THOC5: variants seen among roughly 807,000 people sequenced by gnomAD.
The protein encoded by THOC5 is Fms-interacting protein.
THOC5 carries 43 observed loss-of-function variants against 92.9 expected under a neutral mutation model. The ratio of observed to expected loss-of-function variants is 0.46; its 90% CI spans 0.36 to 0.60. The LOEUF is 0.60. Ranked by LOEUF, THOC5 falls within the 20% of genes least tolerant of loss-of-function variation. THOC5 has a pLI of 0.00. For missense variants in THOC5, 659 were observed against 849.4 expected (o/e 0.78, Z 2.79); for synonymous variants, 296 against 320.1 (o/e 0.92, Z 0.80).
intron 19 of THOC5, among the ~76,000 whole-genome samples, chr22:29,508,845 G>A (rs2063168751): frequency 2.6e-5 from 4 of 151,898 alleles, no homozygotes; most frequent in Admixed American, 2.6e-4. Context: ...GCCCAGGCTG[G>A]AGTGCAGTGG....
rs536352843 is a variant in THOC5, at chr22:29,536,848, T to C, written c.600-110A>G. On this transcript the variant is annotated intron_variant, in intron 6 of 19. Coordinates refer to ENST00000490103, the MANE Select transcript of THOC5 (RefSeq NM_003678.5). The stretch of plus-strand genomic sequence containing the variant: ...AGTAGCAGCCATGATTAACTGCCAA[T>C]GTTTATCCAGCACTCAATGTGTGCC... The C allele has an allele frequency of 7.1e-6, 5 of 702,178 alleles. No individual in the cohort carries two copies. The Admixed American group carries it at 1.0e-4, about 14-fold the overall frequency. The allele number at this position is 702,178 out of a possible 1,614,324, so 43.5% of individuals were successfully genotyped here. A position where few individuals can be genotyped will look rare whatever the true frequency, so the allele number is the denominator to read the frequency against.
At chr22:29,545,045 G>A in intron 2 of THOC5, 1 of 431,918 alleles carries the variant, frequency 2.3e-6, no homozygotes, top group Non-Finnish European at 4.6e-6. Flanking sequence ...ACAAAAAGAG[G>A]TTTAATTGGA....
At chr22:29,531,493 G>C in intron 8 of THOC5, 1 of 1,063,756 alleles carries the variant, frequency 9.4e-7, no homozygotes, top group Non-Finnish European at 1.1e-6. Context: ...CCCTGAAGCA[G>C]AGCAAGAGGC....
intron 19 of THOC5, 97 bp from the exon 20 acceptor site, chr22:29,508,617 G>T: frequency 1.9e-6 from 2 of 1,056,276 alleles, no homozygotes; most frequent in Non-Finnish European, 2.9e-6. Flanking sequence ...AAGAGGCAGA[G>T]TTACATGACA....
intron 5 of THOC5, among the ~76,000 whole-genome samples, chr22:29,540,370 C>G (rs1207659478): frequency 5.3e-5 from 8 of 152,194 alleles, no homozygotes; most frequent in African/African-American, 1.4e-4. Flanking sequence ...TATTAATAAG[C>G]ACCCACTATA....
At chr22:29,535,075 C>G (rs2063732121) in intron 7 of THOC5, 3 of 151,188 alleles carry the variant, frequency 2.0e-5, no homozygotes, top group African/African-American at 7.3e-5. Flanking sequence ...ACTAGCCTGG[C>G]CAACATGATG....
chr22:29,509,289 A>G (rs1324175078), intron 19 of THOC5, among the ~76,000 whole-genome samples: 2 of 149,308 alleles, frequency 1.3e-5, no homozygotes, highest in Admixed American at 6.6e-5. Context: ...AAAAAAAAAA[A>G]AAAGAAAAAA....
chr22:29,509,562 G>C (rs1334868309), intron 19 of THOC5, among the ~76,000 whole-genome samples: 1 of 152,230 alleles, frequency 6.6e-6, no homozygotes, highest in Non-Finnish European at 1.5e-5. Context: ...TGTCAGATGA[G>C]GTGAAAGGAT....
chr22:29,543,162 G>T (rs1387114082), intron 4 of THOC5, among the ~76,000 whole-genome samples: 1 of 151,934 alleles, frequency 6.6e-6, no homozygotes, highest in Non-Finnish European at 1.5e-5. Context: ...TGGCCAACAA[G>T]GTGAAACCCC....
chr22:29,512,715 A>T (rs1412392476), intron 17 of THOC5, among the ~76,000 whole-genome samples: 1 of 152,130 alleles, frequency 6.6e-6, no homozygotes, highest in African/African-American at 2.4e-5. Flanking sequence ...TATTATCCTC[A>T]TCCTCATTTT....
Position 29,531,965 on chromosome 22 carries a change from T to C in THOC5, c.715-2A>G. The C allele has an allele frequency of 1.2e-6, 2 of 1,613,778 alleles. No homozygotes were observed. Among genetic ancestry groups the C allele is most frequent in the Non-Finnish European group, 1.7e-6 (2 of 1,179,760 alleles). On this transcript the variant is annotated splice_acceptor_variant, in intron 7 of 19. Coordinates refer to ENST00000490103, the MANE Select transcript of THOC5 (RefSeq NM_003678.5). LOFTEE classifies it high-confidence loss of function. ...GTACTCCTGCACCGGAAGGGAAGCCTGCACACAAGAGACAGATTTTTGTTC... is the reference window on the plus strand; with the variant it reads ...GTACTCCTGCACCGGAAGGGAAGCCCGCACACAAGAGACAGATTTTTGTTC...
chr22:29,536,343 C>A (rs2063759509), intron 7 of THOC5: 1 of 319,528 alleles, frequency 3.1e-6, no homozygotes, highest in Non-Finnish European at 5.7e-6. Flanking sequence ...GGGGGCCATG[C>A]AGGGGGTAAA....
chr22:29,542,736 C>G, intron 5 of THOC5, 123 bp downstream of exon 5: 1 of 591,138 alleles, frequency 1.7e-6, no homozygotes, highest in Admixed American at 3.1e-5. Flanking sequence ...TGCACTCCAG[C>G]CTGGGTGACA....
chr22:29,528,432 C>T lies in THOC5; in HGVS notation c.960G>A (p.Gln320=), dbSNP rs777074107. The T allele has an allele frequency of 4.3e-6, 7 of 1,613,814 alleles. No individual in the cohort carries two copies. In the Admixed American group the frequency reaches 5.0e-5, roughly 12 times the overall value. ...AAGAGGAAATGGTTCTCACCGTAGT[C>T]TGCTCCTCCTCGGCATCTGAGTCAC... is the stretch of plus-strand genomic sequence containing the variant. ...DESDSDAEEE[Q]TTKRRRPTLG... is the part of the protein sequence containing the mutation. The change falls in exon 10 of 20, where the codon CAG becomes CAA. Residue 320 remains glutamine (Q), a synonymous_variant. Coordinates refer to ENST00000490103, the MANE Select transcript of THOC5 (RefSeq NM_003678.5).
intron 13 of THOC5, among the ~76,000 whole-genome samples, chr22:29,520,738 C>T (rs1237626204): frequency 6.6e-6 from 1 of 152,202 alleles, no homozygotes; most frequent in Non-Finnish European, 1.5e-5. Flanking sequence ...TCAAGGAATC[C>T]ACCTGCTTTG....
chr22:29,530,202 C>G (rs2063624474), intron 8 of THOC5, among the ~76,000 whole-genome samples: 1 of 150,938 alleles, frequency 6.6e-6, no homozygotes, highest in Admixed American at 6.6e-5. Flanking sequence ...ACTGAATGAG[C>G]TGATGCTTGT....
At position 29,531,234 on chromosome 22, in the gene THOC5, G is replaced by A. The variant is rs2283861; in HGVS notation, c.847+597C>T. The A allele has an allele frequency of 5.6e-3, 5,786 of 1,028,456 alleles. 256 individuals carry two copies. The East Asian group carries it at 0.21, about 37-fold the overall frequency. The allele number at this position is 1,028,456 out of a possible 1,614,324, so 63.7% of individuals were successfully genotyped here. On this transcript the variant is annotated intron_variant, in intron 8 of 19. Coordinates refer to ENST00000490103, the MANE Select transcript of THOC5 (RefSeq NM_003678.5). ...GAGGAGAAGCAAGCACTGGTGCGGT[G>A]TATGTCTGTCTGATGAGGTGGGGTG...
At chr22:29,519,182 T>G (rs986399135) in intron 14 of THOC5, 62 bp from the exon 15 acceptor site, 6 of 1,178,154 alleles carry the variant, frequency 5.1e-6, no homozygotes, top group Non-Finnish European at 7.4e-6. Context: ...GGGCACCATC[T>G]CTCTCCTGGG....
Position 29,528,468 on chromosome 22 carries a change from T to C in THOC5, c.926-2A>G. The C allele has an allele frequency of 6.2e-7, 1 of 1,613,140 alleles. No homozygotes were observed. The highest frequency in any genetic ancestry group is 8.5e-7 in the Non-Finnish European group (1 of 1,180,028). The stretch of plus-strand genomic sequence containing the variant: ...CGGCATCTGAGTCACTCTCGTCATC[T>C]GCAGCCACAGAGAGAAGGCAGCTAG... On this transcript the variant is annotated splice_acceptor_variant, in intron 9 of 19. Transcript: ENST00000490103. LOFTEE classifies it high-confidence loss of function.
Sources: gnomAD v4.1 joint callset for allele counts (sites outside exome capture counted in the v4.1 genomes callset) on GRCh38, gnomAD v4.1.1 for gene constraint, MANE v1.5 for transcripts, NCBI Gene and HGNC (gene_info 2026-07-23, HGNC 2026-07-21) for gene names.